KCNMB2: variants seen among roughly 807,000 people sequenced by gnomAD.
KCNMB2 encodes calcium-activated potassium channel subunit beta-2.
Under a neutral mutation model 24.5 loss-of-function variants are expected in KCNMB2, and 9 were observed. The ratio of observed to expected loss-of-function variants is 0.37; its 90% CI spans 0.22 to 0.64. The LOEUF (loss-of-function observed/expected upper bound fraction) is 0.64. Among genes scored for constraint, KCNMB2 ranks in the 30% least tolerant of loss-of-function variants. The pLI, the probability that KCNMB2 is intolerant of heterozygous loss-of-function variation, is 0.63. For missense variants in KCNMB2, 226 were observed against 284.3 expected, an observed-to-expected ratio of 0.79 and a Z score of 1.47; for synonymous variants, 109 against 104.4, an observed-to-expected ratio of 1.04 and a Z score of -0.27.
chr3:178,825,725 T>G lies in KCNMB2; in HGVS notation c.194T>G (p.Leu65Arg). ...TGCTCCATCATGATGTATTTTCTGC[T>G]GGGAATCACACTCCTGCGCTCATAC... ...MVCSIMMYFLLGITLLRSYMQ... is the reference protein window; with the variant it reads ...MVCSIMMYFLRGITLLRSYMQ... Residue 65 changes from leucine to arginine, a missense_variant, in exon 3 of 5, where the codon CTG becomes CGG. Coordinates refer to ENST00000452583, the MANE Select transcript of KCNMB2 (RefSeq NM_181361.3). The G allele has an allele frequency of 6.2e-7, 1 of 1,613,908 alleles. No individual in the cohort carries two copies. The highest frequency in any genetic ancestry group is 8.5e-7 in the Non-Finnish European group (1 of 1,179,840).
At chr3:178,740,141 CAG>C (rs916459632) in intron 1 of KCNMB2, among the ~76,000 whole-genome samples, 2 of 149,992 alleles carry the variant, frequency 1.3e-5, no homozygotes, top group Non-Finnish European at 3.0e-5. Flanking sequence ...TTTTTTCAGA[CAG>C]AGTCTTGCTC....
At chr3:178,538,104 T>C (rs1715468463) in intron 1 of KCNMB2, among the ~76,000 whole-genome samples, 2 of 152,216 alleles carry the variant, frequency 1.3e-5, no homozygotes, top group South Asian at 2.1e-4. Flanking sequence ...ATATATATAC[T>C]GTAATCCACA....
intron 1 of KCNMB2, among the ~76,000 whole-genome samples, chr3:178,698,847 C>T (rs1191576683): frequency 6.6e-6 from 1 of 152,190 alleles, no homozygotes; most frequent in Non-Finnish European, 1.5e-5. Flanking sequence ...GTGGATTCAG[C>T]TGACTGACTT....
At chr3:178,581,090 G>C (rs1414232281) in intron 1 of KCNMB2, among the ~76,000 whole-genome samples, 1 of 152,120 alleles carries the variant, frequency 6.6e-6, no homozygotes, top group African/African-American at 2.4e-5. Flanking sequence ...CAAAGCTGGA[G>C]GCATCACACT....
At chr3:178,542,090 C>T (rs915481366) in intron 1 of KCNMB2, among the ~76,000 whole-genome samples, 1 of 152,196 alleles carries the variant, frequency 6.6e-6, no homozygotes, top group African/African-American at 2.4e-5. Flanking sequence ...CCTTCCCCTC[C>T]CTTGTCCAAG....
chr3:178,558,304 A>T (rs945418128), intron 1 of KCNMB2, among the ~76,000 whole-genome samples: 1 of 152,234 alleles, frequency 6.6e-6, no homozygotes, highest in Non-Finnish European at 1.5e-5. Flanking sequence ...CTACAGAATC[A>T]GCAGGATAGA....
intron 1 of KCNMB2, among the ~76,000 whole-genome samples, chr3:178,730,181 A>G (rs1416333606): frequency 6.6e-6 from 1 of 152,154 alleles, no homozygotes; most frequent in African/African-American, 2.4e-5. Flanking sequence ...TTGGTGAATG[A>G]CCCTAATAAC....
chr3:178,651,098 A>G (rs1720102938), intron 1 of KCNMB2, among the ~76,000 whole-genome samples: 1 of 152,198 alleles, frequency 6.6e-6, no homozygotes, highest in South Asian at 2.1e-4. Context: ...GCATTCAAAT[A>G]GGAAGAGAGG....
chr3:178,656,580 C>A (rs113961372), intron 1 of KCNMB2, among the ~76,000 whole-genome samples: 71 of 152,086 alleles, frequency 4.7e-4, no homozygotes, highest in Non-Finnish European at 9.7e-4. Flanking sequence ...TGAGACCAGT[C>A]TGGACAACAA....
chr3:178,736,647 T>C (rs1229213103), intron 1 of KCNMB2, among the ~76,000 whole-genome samples: 1 of 152,184 alleles, frequency 6.6e-6, no homozygotes, highest in African/African-American at 2.4e-5. Context: ...GCAGCCTCTT[T>C]AGAAACATAG....
chr3:178,832,040 T>C (rs1211881375), intron 4 of KCNMB2, among the ~76,000 whole-genome samples: 1 of 152,198 alleles, frequency 6.6e-6, no homozygotes, highest in East Asian at 1.9e-4. Context: ...TTGTATATAG[T>C]CAATGTTAAT....
At chr3:178,570,913 C>A (rs1321226686) in intron 1 of KCNMB2, among the ~76,000 whole-genome samples, 1 of 152,122 alleles carries the variant, frequency 6.6e-6, no homozygotes, top group Non-Finnish European at 1.5e-5. Flanking sequence ...TGCAACCATT[C>A]AACAATGCTT....
intron 1 of KCNMB2, among the ~76,000 whole-genome samples, chr3:178,559,879 G>T (rs1434962426): frequency 6.7e-6 from 1 of 148,610 alleles, no homozygotes; most frequent in Non-Finnish European, 1.5e-5. Flanking sequence ...GATGTATTAA[G>T]GTCATTTTCC....
chr3:178,719,937 A>G (rs1722741028), intron 1 of KCNMB2, among the ~76,000 whole-genome samples: 1 of 152,110 alleles, frequency 6.6e-6, no homozygotes, highest in Non-Finnish European at 1.5e-5. Context: ...CTTGTCCAGA[A>G]TAACATAAAT....
intron 1 of KCNMB2, among the ~76,000 whole-genome samples, chr3:178,742,828 C>G (rs1404239126): frequency 6.6e-6 from 1 of 152,108 alleles, no homozygotes; most frequent in African/African-American, 2.4e-5. Flanking sequence ...TGTGGGGTAT[C>G]ATTTTTCATC....
chr3:178,784,221 T>C (rs1713001085), intron 1 of KCNMB2, among the ~76,000 whole-genome samples: 1 of 152,204 alleles, frequency 6.6e-6, no homozygotes, highest in Non-Finnish European at 1.5e-5. Flanking sequence ...AGACATTTAA[T>C]ATGTCTTCTT....
At chr3:178,697,182 T>G (rs1721910378) in intron 1 of KCNMB2, among the ~76,000 whole-genome samples, 1 of 152,208 alleles carries the variant, frequency 6.6e-6, no homozygotes, top group Non-Finnish European at 1.5e-5. Context: ...CTCAGTGATC[T>G]GTCTAATATT....
chr3:178,603,972 G>C (rs1021274365), intron 1 of KCNMB2, among the ~76,000 whole-genome samples: 1 of 152,112 alleles, frequency 6.6e-6, no homozygotes, highest in African/African-American at 2.4e-5. Context: ...AGGAGACACA[G>C]AACCACCCCA....
intron 1 of KCNMB2, among the ~76,000 whole-genome samples, chr3:178,727,592 C>T (rs529222812): frequency 1.3e-5 from 2 of 152,086 alleles, no homozygotes; most frequent in South Asian, 4.2e-4. Context: ...AGAGACATGA[C>T]TAAGGAAGAA....
Sources: gnomAD v4.1 joint callset for allele counts (sites outside exome capture counted in the v4.1 genomes callset) on GRCh38, gnomAD v4.1.1 for gene constraint, MANE v1.5 for transcripts, NCBI Gene and HGNC (gene_info 2026-07-23, HGNC 2026-07-21) for gene names.